The following CD53 variants were observed in gnomAD, a reference collection of about 807,000 sequenced individuals.
CD53 encodes the protein CD53 molecule.
In CD53, 20 loss-of-function variants were observed where a neutral mutation model predicts 27.3. The observed-to-expected ratio is 0.73, with a 90% CI of 0.52 to 1.07. The LOEUF (loss-of-function observed/expected upper bound fraction) is 1.07. Ranked by LOEUF, CD53 falls within the 50% of genes least tolerant of loss-of-function variation. The pLI is 0.00. For synonymous variants in CD53, 106 were observed against 105.3 expected (o/e 1.01, Z -0.04); for missense variants, 216 against 264.0 (o/e 0.82, Z 1.26).
At chr1:110,895,200 C>A in intron 5 of CD53, 145 bp downstream of exon 5, 1 of 638,158 alleles carries the variant, frequency 1.6e-6, no homozygotes, top group Non-Finnish European at 2.9e-6. Flanking sequence ...CTATCACAAA[C>A]ATGGGAGCCC....
rs753040532 is a variant in CD53, at chr1:110,897,857, A to G, written c.553A>G (p.Ile185Val). 82 of 1,611,898 alleles carry G rather than the reference A, an allele frequency of 5.1e-5. No individual in the cohort carries two copies. Among genetic ancestry groups the G allele is most frequent in the Admixed American group, 1.3e-4 (8 of 59,966 alleles). ...GTGGTTTCATTCCAATTTCCTGTAT[A>G]TCGGAATCATCACCATCTGTGTATG... is the stretch of plus-strand genomic sequence containing the variant. ...RLWFHSNFLYIGIITICVCVI... is the reference protein window; with the variant it reads ...RLWFHSNFLYVGIITICVCVI... Residue 185 changes from isoleucine (I) to valine (V), a missense_variant, in exon 7 of 8, where the codon ATC becomes GTC. Coordinates refer to ENST00000271324, the MANE Select transcript of CD53 (RefSeq NM_000560.4).
intron 5 of CD53, among the ~76,000 whole-genome samples, chr1:110,895,563 A>C (rs1169854925): frequency 6.6e-6 from 1 of 152,166 alleles, no homozygotes; most frequent in East Asian, 1.9e-4. Flanking sequence ...AGTATAATCT[A>C]TTTGTGTCTC....
At chr1:110,881,258 T>TC (rs1656345012) in intron 1 of CD53, among the ~76,000 whole-genome samples, 1 of 150,266 alleles carries the variant, frequency 6.7e-6, no homozygotes, top group Non-Finnish European at 1.5e-5. Context: ...CCTCCTGCCC[T>TC]CCCCCACCTT....
At chr1:110,879,992 G>A (rs1494321) in intron 1 of CD53, among the ~76,000 whole-genome samples, 108,836 of 152,074 alleles carry the variant, frequency 0.72, 41,348 homozygotes, top group Non-Finnish European at 0.84. Flanking sequence ...TTAGAAATCC[G>A]CAGGTTCTAC....
chr1:110,888,624 T>G (rs1656726009), intron 1 of CD53, among the ~76,000 whole-genome samples: 1 of 152,350 alleles, frequency 6.6e-6, no homozygotes. Context: ...TGATTTTATA[T>G]TTTTACGTTA....
chr1:110,889,760 C>T lies in CD53; in HGVS notation c.-17-1632C>T, dbSNP rs187200545. On this transcript the variant is annotated intron_variant, in intron 1 of 7. Coordinates refer to ENST00000271324, the MANE Select transcript of CD53 (RefSeq NM_000560.4). ...GTTAAGTTGGTGTGCAATTCTCACA[C>T]AGCTGTTTAGAGGCATATGTAAGAG... 1.3e-5 allele frequency among the ~76,000 whole-genome samples: 2 copies of T among 152,222 alleles called. 1 individual carries two copies. The highest frequency in any genetic ancestry group is 2.9e-5 in the Non-Finnish European group (2 of 68,018).
intron 1 of CD53, chr1:110,880,313 A>T (rs907362361): frequency 1.1e-4 from 17 of 152,230 alleles, no homozygotes; most frequent in African/African-American, 3.9e-4. Flanking sequence ...ATGTGGCAAA[A>T]GTAGTGACAA....
chr1:110,880,128 G>A (rs1656298197), intron 1 of CD53: 1 of 152,282 alleles, frequency 6.6e-6, no homozygotes, highest in East Asian at 1.9e-4. Context: ...TGATATTGGT[G>A]GCTTTTTGCA....
At chr1:110,886,869 A>ATATATATATATATTT (rs1298376721) in intron 1 of CD53, among the ~76,000 whole-genome samples, 31 of 82,778 alleles carry the variant, frequency 3.7e-4, no homozygotes, top group African/African-American at 1.0e-3. Context: ...ATATATATAT[A>ATATATATATATATTT]TTTTTTTTTT....
intron 1 of CD53, among the ~76,000 whole-genome samples, chr1:110,879,113 A>T (rs1656248347): frequency 6.6e-6 from 1 of 152,100 alleles, no homozygotes; most frequent in Non-Finnish European, 1.5e-5. Context: ...TGCCCCGTGT[A>T]TGTTTTATTC....
At chr1:110,875,557 C>T (rs1450097059) in intron 1 of CD53, among the ~76,000 whole-genome samples, 8 of 152,158 alleles carry the variant, frequency 5.3e-5, no homozygotes, top group East Asian at 1.9e-4. Context: ...GTTTGTTCTG[C>T]GTCCCTAGAT....
At chr1:110,885,564 C>T (rs890234161) in intron 1 of CD53, among the ~76,000 whole-genome samples, 1 of 145,306 alleles carries the variant, frequency 6.9e-6, no homozygotes, top group Non-Finnish European at 1.5e-5. Flanking sequence ...ACAACAACAA[C>T]AAAAAAAGAG....
At chr1:110,874,480 C>T (rs1188156169) in intron 1 of CD53, among the ~76,000 whole-genome samples, 1 of 152,162 alleles carries the variant, frequency 6.6e-6, no homozygotes, top group Non-Finnish European at 1.5e-5. Flanking sequence ...AGATATCATA[C>T]TATGCGTGTG....
chr1:110,895,423 TTGTTACCTAGCCCA>T (rs1371829139), intron 5 of CD53, among the ~76,000 whole-genome samples: 1 of 152,246 alleles, frequency 6.6e-6, no homozygotes, highest in African/African-American at 2.4e-5. Context: ...CAAATCAGGC[TTGTTACCTAGCCCA>T]CCAACATCCC....
intron 3 of CD53, chr1:110,892,736 C>T: frequency 1.9e-6 from 1 of 531,802 alleles, no homozygotes; most frequent in Non-Finnish European, 3.3e-6. Context: ...GAGGGCATTG[C>T]TATCCCCCTT....
chr1:110,891,344 C>A, intron 1 of CD53, 48 bp from the exon 2 acceptor site: 1 of 1,242,382 alleles, frequency 8.0e-7, no homozygotes, highest in Non-Finnish European at 1.2e-6. Flanking sequence ...TGATCTCTGG[C>A]TACCTTACAG....
chr1:110,896,815 C>A, intron 6 of CD53, 82 bp downstream of exon 6: 2 of 1,159,480 alleles, frequency 1.7e-6, no homozygotes, highest in South Asian at 1.4e-5. Context: ...CATAGAGGAC[C>A]TAGACCTTCT....
At chr1:110,889,802 C>T (rs1050961704) in intron 1 of CD53, among the ~76,000 whole-genome samples, 1 of 152,070 alleles carries the variant, frequency 6.6e-6, no homozygotes, top group East Asian at 1.9e-4. Context: ...TCAAGTTTGA[C>T]CCCAAAGCCT....
At chr1:110,873,722 C>T (rs1349608744) in intron 1 of CD53, among the ~76,000 whole-genome samples, 1 of 152,192 alleles carries the variant, frequency 6.6e-6, no homozygotes. Context: ...AATTTAGTGA[C>T]TCCCACTGTG....
Sources: allele counts gnomAD v4.1 joint callset (sites outside exome capture counted in the v4.1 genomes callset), GRCh38; gene constraint gnomAD v4.1.1; transcripts MANE v1.5; gene names NCBI Gene and HGNC (gene_info 2026-07-23, HGNC 2026-07-21).